Variants in CCDC178 observed in about 807,000 individuals in gnomAD.
CCDC178 encodes the protein coiled-coil domain containing 178, also known as coiled-coil domain-containing protein 178.
In CCDC178, 126 loss-of-function variants were observed where a neutral mutation model predicts 117.4. The ratio of observed to expected loss-of-function variants is 1.07; its 90% confidence interval spans 0.93 to 1.24. The LOEUF is 1.24. Among genes scored for constraint, CCDC178 ranks in the 50% most tolerant of loss-of-function variants. CCDC178 has a pLI of 0.00. For missense variants in CCDC178, 1,030 were observed against 986.9 expected, an observed-to-expected ratio of 1.04 and a Z score of -0.59; for synonymous variants, 283 against 313.4, an observed-to-expected ratio of 0.90 and a Z score of 1.02.
intron 3 of CCDC178, among the ~76,000 whole-genome samples, chr18:33,398,089 A>C (rs1599270072): frequency 6.6e-6 from 1 of 152,068 alleles, no homozygotes; most frequent in East Asian, 1.9e-4. Flanking sequence ...AATAATATCA[A>C]AAAATCTAAA....
At chr18:32,991,025 A>G (rs910832092) in intron 21 of CCDC178, among the ~76,000 whole-genome samples, 1 of 151,276 alleles carries the variant, frequency 6.6e-6, no homozygotes, top group African/African-American at 2.4e-5. Flanking sequence ...TAATAATTTT[A>G]TATTTATTAT....
chr18:33,248,663 T>C (rs1302630441), intron 14 of CCDC178, among the ~76,000 whole-genome samples: 1 of 152,078 alleles, frequency 6.6e-6, no homozygotes, highest in Non-Finnish European at 1.5e-5. Context: ...ATTCAGTCCA[T>C]CATTGATGGA....
intron 21 of CCDC178, among the ~76,000 whole-genome samples, chr18:33,064,330 A>G (rs748991517): frequency 8.5e-5 from 13 of 152,244 alleles, no homozygotes; most frequent in Non-Finnish European, 1.8e-4. Flanking sequence ...TCAATGAGAC[A>G]TTCAGTAGGG....
chr18:33,100,639 T>C (rs1315821559), intron 20 of CCDC178, among the ~76,000 whole-genome samples: 2 of 152,008 alleles, frequency 1.3e-5, no homozygotes, highest in East Asian at 3.9e-4. Flanking sequence ...GCTCTGTATG[T>C]GGTCTTAGCA....
chr18:33,222,922 A>G (rs531843167), intron 18 of CCDC178, among the ~76,000 whole-genome samples, 184 bp downstream of exon 18: 7 of 152,186 alleles, frequency 4.6e-5, no homozygotes, highest in Admixed American at 3.9e-4. Flanking sequence ...AGATACTGCA[A>G]GAGAAAGTAA....
At chr18:33,094,931 T>C (rs771065587) in intron 20 of CCDC178, among the ~76,000 whole-genome samples, 12 of 152,124 alleles carry the variant, frequency 7.9e-5, no homozygotes, top group South Asian at 2.1e-4. Context: ...TAATGAAGTT[T>C]AAGTTTTATT....
chr18:33,415,987 G>C (rs1453921690), intron 2 of CCDC178, among the ~76,000 whole-genome samples: 1 of 152,162 alleles, frequency 6.6e-6, no homozygotes, highest in African/African-American at 2.4e-5. Flanking sequence ...GAAGAGACCA[G>C]CAACCCAGAA....
chr18:33,122,396 T>C (rs1304217303), intron 20 of CCDC178, among the ~76,000 whole-genome samples: 2 of 152,172 alleles, frequency 1.3e-5, no homozygotes, highest in Non-Finnish European at 2.9e-5. Flanking sequence ...ACAGAAGGTA[T>C]AAAAATCCTG....
chr18:33,101,011 A>G (rs1464239993), intron 20 of CCDC178, among the ~76,000 whole-genome samples: 1 of 151,994 alleles, frequency 6.6e-6, no homozygotes, highest in African/African-American at 2.4e-5. Context: ...TTTAAAGTAT[A>G]TGACATCTTA....
At chr18:33,253,385 T>C (rs1307312347) in intron 14 of CCDC178, among the ~76,000 whole-genome samples, 4 of 151,858 alleles carry the variant, frequency 2.6e-5, no homozygotes, top group Non-Finnish European at 5.9e-5. Context: ...AGTTTTCTAA[T>C]GGAATCTTAG....
chr18:33,197,455 G>A (rs191477036), intron 20 of CCDC178, among the ~76,000 whole-genome samples: 2 of 152,242 alleles, frequency 1.3e-5, no homozygotes, highest in East Asian at 3.9e-4. Flanking sequence ...GTGTAGTGGG[G>A]TAGTGGGGGT....
At chr18:33,284,315 CAA>C (rs547756967) in intron 12 of CCDC178, among the ~76,000 whole-genome samples, 158 of 152,090 alleles carry the variant, frequency 1.0e-3, no homozygotes, top group African/African-American at 3.5e-3. Context: ...ACCTGGGTGA[CAA>C]AATAACCTGT....
intron 20 of CCDC178, among the ~76,000 whole-genome samples, chr18:33,106,101 A>T (rs271434): frequency 0.16 from 24,211 of 151,580 alleles, 2,708 homozygotes; most frequent in African/African-American, 0.32. Flanking sequence ...AAGTGACACA[A>T]GTCTAAATTG....
At chr18:33,173,452 A>C (rs2058627964) in intron 20 of CCDC178, among the ~76,000 whole-genome samples, 1 of 152,168 alleles carries the variant, frequency 6.6e-6, no homozygotes, top group Admixed American at 6.5e-5. Context: ...AAAAGTTTCA[A>C]AACTACAGGT....
intron 5 of CCDC178, among the ~76,000 whole-genome samples, chr18:33,386,990 C>T (rs944473934): frequency 6.6e-6 from 1 of 152,106 alleles, no homozygotes; most frequent in Non-Finnish European, 1.5e-5. Flanking sequence ...CCAAAAGCTT[C>T]CTAAGCTGAT....
intron 6 of CCDC178, among the ~76,000 whole-genome samples, chr18:33,365,912 C>T (rs2063198903): frequency 6.6e-6 from 1 of 151,990 alleles, no homozygotes; most frequent in South Asian, 2.1e-4. Context: ...TTTCCAGATT[C>T]TTTGCAAAAA....
intron 22 of CCDC178, among the ~76,000 whole-genome samples, chr18:32,957,371 C>A (rs1217409767): frequency 6.6e-6 from 1 of 152,094 alleles, no homozygotes; most frequent in African/African-American, 2.4e-5. Flanking sequence ...TTGCTTTTTG[C>A]ATCCAAAATG....
chr18:33,079,687 C>T (rs1459944283), intron 21 of CCDC178, among the ~76,000 whole-genome samples: 1 of 152,164 alleles, frequency 6.6e-6, no homozygotes, highest in Non-Finnish European at 1.5e-5. Context: ...AGCCCAATAT[C>T]ACTGATCATC....
chr18:33,278,919 A>T (rs944788979), intron 12 of CCDC178, among the ~76,000 whole-genome samples: 4 of 152,194 alleles, frequency 2.6e-5, no homozygotes, highest in Non-Finnish European at 5.9e-5. Context: ...TCATGCTAAA[A>T]ACTCTCAATA....
Sources: gnomAD v4.1 joint callset for allele counts (sites outside exome capture counted in the v4.1 genomes callset) on GRCh38, gnomAD v4.1.1 for gene constraint, MANE v1.5 for transcripts, NCBI Gene and HGNC (gene_info 2026-07-23, HGNC 2026-07-21) for gene names.